Variants in GNAL observed in about 807,000 individuals in gnomAD.
GNAL encodes the protein guanine nucleotide-binding protein G(olf) subunit alpha.
In GNAL, 18 loss-of-function variants were observed where a neutral mutation model predicts 55.1. That is an observed-to-expected ratio of 0.33 (90% CI 0.23 to 0.48). GNAL has a LOEUF of 0.48. GNAL is among the 20% of genes least tolerant of loss of function. The pLI is 0.99. For missense variants in GNAL, 412 were observed against 614.1 expected (o/e 0.67, Z 3.48); for synonymous variants, 253 against 237.0 (o/e 1.07, Z -0.62).
intron 4 of GNAL, among the ~76,000 whole-genome samples, chr18:11,808,062 C>T (rs2034711827): frequency 6.6e-6 from 1 of 150,730 alleles, no homozygotes; most frequent in South Asian, 2.1e-4. Flanking sequence ...TTTGTCCCTA[C>T]TCTACCCTCA....
chr18:11,779,628 A>G, intron 4 of GNAL, among the ~76,000 whole-genome samples: 1 of 152,172 alleles, frequency 6.6e-6, no homozygotes, highest in East Asian at 1.9e-4. Context: ...TTGGGGAGTG[A>G]AAATGCGGGT....
At position 11,751,640 on chromosome 18, in the gene GNAL, G is replaced by A; in HGVS notation, c.377-1213G>A. On this transcript the variant is annotated intron_variant, in intron 1 of 11. Transcript: ENST00000334049. This position sits in a 1 kb window ranked among gnomAD's most constrained non-coding sequence, Gnocchi z 4.5. ...CAGACGCACTTTCCCGGCTCGGGGT[G>A]CAAGAGAGCCAGGCGGCCGCGGCGC... The A allele has an allele frequency of 3.0e-6, 3 of 985,496 alleles. No individual in the cohort carries two copies. The highest frequency in any genetic ancestry group is 3.6e-6 in the Non-Finnish European group (3 of 829,986). 61.0% of individuals were successfully genotyped at this position (985,496 alleles called of 1,614,324 possible). A position where few individuals can be genotyped will look rare whatever the true frequency, so the allele number is the denominator to read the frequency against.
chr18:11,758,681 TAG>T (rs1568013703), intron 4 of GNAL, among the ~76,000 whole-genome samples: 1 of 152,216 alleles, frequency 6.6e-6, no homozygotes, highest in Non-Finnish European at 1.5e-5. Flanking sequence ...GTTGCCTGAT[TAG>T]AGTTTTTCTC....
chr18:11,854,296 A>C (rs1340866729), intron 5 of GNAL: 1 of 167,124 alleles, frequency 6.0e-6, no homozygotes, highest in African/African-American at 2.4e-5. Context: ...AAATATGTCC[A>C]TGTCATACTA....
At chr18:11,812,006 CTT>C (rs1039252890) in intron 4 of GNAL, among the ~76,000 whole-genome samples, 1 of 152,150 alleles carries the variant, frequency 6.6e-6, no homozygotes, top group African/African-American at 2.4e-5. Context: ...TTGTGAGTCT[CTT>C]TGGCATGCTG....
chr18:11,816,778 C>T (rs1598403290), intron 4 of GNAL, among the ~76,000 whole-genome samples: 1 of 149,748 alleles, frequency 6.7e-6, no homozygotes, highest in African/African-American at 2.5e-5. Flanking sequence ...CGTGCCACTG[C>T]ACTCCAACCT....
chr18:11,822,355 C>G (rs953928762), intron 4 of GNAL, among the ~76,000 whole-genome samples: 10 of 152,288 alleles, frequency 6.6e-5, no homozygotes, highest in Middle Eastern at 3.4e-3. Context: ...CTGTCGTCCC[C>G]GCTGCTCGGG....
intron 4 of GNAL, among the ~76,000 whole-genome samples, chr18:11,774,934 A>G (rs1312803082): frequency 3.3e-5 from 5 of 152,212 alleles, no homozygotes. Flanking sequence ...TCACTACATG[A>G]GCCATCTATC....
At chr18:11,811,746 A>G (rs7240684) in intron 4 of GNAL, among the ~76,000 whole-genome samples, 112,684 of 152,062 alleles carry the variant, frequency 0.74, 42,891 homozygotes, top group Admixed American at 0.84. Flanking sequence ...CCAAAAAAGG[A>G]ATCTCCTTTC....
At chr18:11,787,611 G>A (rs1465062374) in intron 4 of GNAL, among the ~76,000 whole-genome samples, 2 of 152,208 alleles carry the variant, frequency 1.3e-5, no homozygotes. Context: ...GGTGGCCCAC[G>A]CCTGTGTAAT....
chr18:11,771,187 C>T (rs2143278762), intron 4 of GNAL, among the ~76,000 whole-genome samples: 1 of 149,398 alleles, frequency 6.7e-6, no homozygotes. Flanking sequence ...CACTGCTCTC[C>T]AGCCTGGGCA....
At chr18:11,774,727 G>T (rs139330883) in intron 4 of GNAL, among the ~76,000 whole-genome samples, 205 of 152,324 alleles carry the variant, frequency 1.3e-3, no homozygotes, top group Non-Finnish European at 2.4e-3. Flanking sequence ...CCTGTGTACT[G>T]TGAGGTGACC....
chr18:11,722,590 G>C (rs563285974), intron 1 of GNAL, among the ~76,000 whole-genome samples: 1 of 152,218 alleles, frequency 6.6e-6, no homozygotes, highest in Admixed American at 6.5e-5. Flanking sequence ...TAAAATGTTG[G>C]CTGGGTGCGG....
chr18:11,742,136 A>G (rs1013257353), intron 1 of GNAL, among the ~76,000 whole-genome samples: 1 of 152,172 alleles, frequency 6.6e-6, no homozygotes, highest in African/African-American at 2.4e-5. Context: ...AGTTCCTAGT[A>G]TGCTTTGTTA....
intron 5 of GNAL, among the ~76,000 whole-genome samples, chr18:11,830,201 T>C: frequency 6.6e-6 from 1 of 150,836 alleles, no homozygotes; most frequent in Non-Finnish European, 1.5e-5. Flanking sequence ...TCTTTACATC[T>C]AAATTGCTCT....
At chr18:11,769,323 G>A (rs2033559970) in intron 4 of GNAL, among the ~76,000 whole-genome samples, 1 of 151,032 alleles carries the variant, frequency 6.6e-6, no homozygotes, top group Non-Finnish European at 1.5e-5. Context: ...AAGGACTATT[G>A]TGCTCAGACA....
chr18:11,817,368 T>A (rs1367800795), intron 4 of GNAL, among the ~76,000 whole-genome samples: 1 of 152,226 alleles, frequency 6.6e-6, no homozygotes, highest in East Asian at 1.9e-4. Context: ...GTTCTCATGT[T>A]GTCATTGAAT....
At chr18:11,862,258 C>A (rs1408058039) in intron 5 of GNAL, 137 bp from the exon 6 acceptor site, 4 of 599,398 alleles carry the variant, frequency 6.7e-6, no homozygotes, top group African/African-American at 5.5e-5. Flanking sequence ...ATTCAGGAAA[C>A]AAAGTAAGAA....
chr18:11,823,811 A>C (rs1267877374), intron 4 of GNAL, among the ~76,000 whole-genome samples: 1 of 150,844 alleles, frequency 6.6e-6, no homozygotes, highest in Non-Finnish European at 1.5e-5. Context: ...AATTTCCCAC[A>C]AAGTGTTTTG....
Sources: gnomAD v4.1 joint callset for allele counts (sites outside exome capture counted in the v4.1 genomes callset) on GRCh38, gnomAD v4.1.1 for gene constraint, Gnocchi (gnomAD v3.1) non-coding constraint, MANE v1.5 for transcripts, NCBI Gene and HGNC (gene_info 2026-07-23, HGNC 2026-07-21) for gene names.